Variants in C6orf62 observed in about 807,000 individuals in gnomAD.
C6orf62 encodes uncharacterized protein C6orf62.
Under a neutral mutation model 26.8 loss-of-function variants are expected in C6orf62, and 16 were observed. The observed-to-expected ratio is 0.60, with a 90% CI of 0.40 to 0.91. C6orf62 has a LOEUF of 0.91. Among genes scored for constraint, C6orf62 ranks in the 40% least tolerant of loss-of-function variants. C6orf62 has a pLI of 0.00. For synonymous variants in C6orf62, 112 were observed against 91.5 expected (o/e 1.22, Z -1.28); for missense variants, 192 against 271.4 (o/e 0.71, Z 2.06).
At chr6:24,710,940 CA>C (rs771425798) in intron 3 of C6orf62, among the ~76,000 whole-genome samples, 1 of 151,828 alleles carries the variant, frequency 6.6e-6, no homozygotes, top group Non-Finnish European at 1.5e-5. Context: ...TGCAGTGAGC[CA>C]TGACTATGCC....
chr6:24,717,919 A>C (rs1779266185), intron 1 of C6orf62, among the ~76,000 whole-genome samples: 1 of 152,234 alleles, frequency 6.6e-6, no homozygotes, highest in Non-Finnish European at 1.5e-5. Context: ...AATTCTGATT[A>C]AGACCTCCAC....
At chr6:24,719,263 C>A, upstream of C6orf62, 1 of 988,322 alleles carries the variant, frequency 1.0e-6, no homozygotes, top group Non-Finnish European at 1.2e-6. Flanking sequence ...CCAGCCAGCT[C>A]CATGGCTGTA....
rs1779193715 is a variant in C6orf62 at position 24,714,937 on chromosome 6, T to C, written c.307-497A>G. Among the ~76,000 whole-genome samples, 3 of 152,124 alleles carry C rather than the reference T, an allele frequency of 2.0e-5. No homozygotes were observed. In the South Asian group the frequency reaches 6.2e-4, roughly 32 times the overall value. On this transcript the variant is annotated intron_variant, in intron 2 of 4. Coordinates refer to ENST00000378119, the MANE Select transcript of C6orf62 (RefSeq NM_030939.5). ...CTGGCTCTAATTTTAATTTTTATCTTACAGAGAGTCACATACACTCAGTCC... is the reference window on the plus strand; with the variant it reads ...CTGGCTCTAATTTTAATTTTTATCTCACAGAGAGTCACATACACTCAGTCC...
chr6:24,709,960 G>A (rs1413615212), intron 3 of C6orf62: 4 of 985,248 alleles, frequency 4.1e-6, no homozygotes, highest in African/African-American at 1.7e-5. Flanking sequence ...CCAAGTTCCT[G>A]CTATGTAGCA....
upstream of C6orf62, chr6:24,719,566 G>T (rs1256195729): frequency 8.0e-7 from 1 of 1,242,846 alleles, no homozygotes; most frequent in Non-Finnish European, 1.0e-6. Flanking sequence ...ACGGCAGAAG[G>T]AAAAGGGGTA....
chr6:24,718,749 G>C lies in C6orf62; in HGVS notation c.-81C>G. On this transcript the variant is annotated 5_prime_UTR_variant, in exon 1 of 5. Transcript: ENST00000378119. The stretch of plus-strand genomic sequence containing the variant: ...TTTTTCTTAAGACTCAAGTACAACA[G>C]AAACAAGTCATTTTTTTTCCTGCTA... The C allele has an allele frequency of 6.3e-7, 1 of 1,580,834 alleles. No homozygotes were observed. The highest frequency in any genetic ancestry group is 1.2e-5 in the South Asian group (1 of 84,596).
rs771193564 is a variant in C6orf62 at position 24,718,688 on chromosome 6, T to A, written c.-20A>T. On this transcript the variant is annotated 5_prime_UTR_variant, in exon 1 of 5. Transcript: ENST00000378119. ...CCCCATTTTGAAATACAGGTGGTAC[T>A]AAAGCCTTTGGAAATTGTCACTAAA... 6.2e-7 allele frequency: 1 copy of A among 1,611,956 alleles called. No individual in the cohort carries two copies. Among genetic ancestry groups the A allele is most frequent in the South Asian group, 1.1e-5 (1 of 90,400 alleles).
rs764877063 is a variant in C6orf62 at position 24,718,711 on chromosome 6, A to T, written c.-43T>A. ...ACTAAAGCCTTTGGAAATTGTCACT[A>T]AACTATGGGCACTTTTTCTTAAGAC... On this transcript the variant is annotated 5_prime_UTR_variant, in exon 1 of 5. Transcript: ENST00000378119. The T allele has an allele frequency of 1.2e-6, 2 of 1,605,424 alleles. No individual in the cohort carries two copies. Among genetic ancestry groups the T allele is most frequent in the African/African-American group, 1.3e-5 (1 of 74,314 alleles).
intron 2 of C6orf62, among the ~76,000 whole-genome samples, chr6:24,715,552 AC>A (rs1779205082): frequency 6.6e-6 from 1 of 152,140 alleles, no homozygotes; most frequent in Non-Finnish European, 1.5e-5. Flanking sequence ...ATTATTAAAA[AC>A]AGTTGGCTAC....
At chr6:24,714,559 T>C in intron 2 of C6orf62, 119 bp from the exon 3 acceptor site, 1 of 610,076 alleles carries the variant, frequency 1.6e-6, no homozygotes, top group South Asian at 2.5e-5. Context: ...ATCTACCATA[T>C]ATCATTTTAT....
At chr6:24,714,570 A>C (rs1485180750) in intron 2 of C6orf62, 130 bp from the exon 3 acceptor site, 4 of 597,588 alleles carry the variant, frequency 6.7e-6, no homozygotes, top group Non-Finnish European at 1.1e-5. Flanking sequence ...ATCATTTTAT[A>C]TCTTAGGAAG....
chr6:24,714,443 A>G lies in C6orf62; in HGVS notation c.307-3T>C. ...TCCTGAGTACAGCCAATTACATCCTATAAAATGATTAAAAAAAAAAAAGTT... is the reference window on the plus strand; with the variant it reads ...TCCTGAGTACAGCCAATTACATCCTGTAAAATGATTAAAAAAAAAAAAGTT... On this transcript the variant is annotated splice_region_variant and splice_polypyrimidine_tract_variant and intron_variant, in intron 2 of 4. Transcript: ENST00000378119. 6.4e-7 allele frequency: 1 copy of G among 1,551,936 alleles called. No individual in the cohort carries two copies. The highest frequency in any genetic ancestry group is 8.7e-7 in the Non-Finnish European group (1 of 1,154,086).
chr6:24,715,848 C>CAAAAAAAAAAAAAAAAAAAAAAAAA (rs139717677), intron 2 of C6orf62, among the ~76,000 whole-genome samples: 1 of 63,850 alleles, frequency 1.6e-5, no homozygotes, highest in Non-Finnish European at 3.0e-5. Flanking sequence ...GACTTTGTCT[C>CAAAAAAAAAAAAAAAAAAAAAAAAA]AAAAAAAAAA....
chr6:24,705,096 T>C lies in C6orf62; in HGVS notation c.*1041A>G, dbSNP rs1211510448. 1 of 151,620 alleles carries C rather than the reference T, an allele frequency of 6.6e-6. No homozygotes were observed. Among genetic ancestry groups the C allele is most frequent in the African/African-American group, 2.4e-5 (1 of 41,278 alleles). 9.4% of individuals were successfully genotyped at this position (151,620 alleles called of 1,614,324 possible). A position where few individuals can be genotyped will look rare whatever the true frequency, so the allele number is the denominator to read the frequency against. On this transcript the variant is annotated 3_prime_UTR_variant, in exon 5 of 5. Transcript: ENST00000378119. ...GAGAAAAAAAAAAAAACCTATACAG[T>C]AGTCTTTCCTTATGTTCATTGCACA...
rs926915561 is a variant in C6orf62, at chr6:24,705,942, CACG to C, written c.*192_*194del. 6.3e-5 allele frequency: 45 copies of C among 710,172 alleles called. 2 individuals carry two copies. The Admixed American group carries it at 9.0e-4, about 14-fold the overall frequency. 44.0% of individuals were successfully genotyped at this position (710,172 alleles called of 1,614,324 possible). A position where few individuals can be genotyped will look rare whatever the true frequency, so the allele number is the denominator to read the frequency against. ...AGCATCTTCTTTCACACAGTCCGTGCACGACATCTAATTTTTGTTTAAGTTCTG... is the reference window on the plus strand; with the variant it reads ...AGCATCTTCTTTCACACAGTCCGTGCACATCTAATTTTTGTTTAAGTTCTG... On this transcript the variant is annotated 3_prime_UTR_variant, in exon 5 of 5. Coordinates refer to ENST00000378119, the MANE Select transcript of C6orf62 (RefSeq NM_030939.5).
Position 24,716,320 on chromosome 6 carries a change from T to C in C6orf62, c.134A>G (p.Lys45Arg). The C allele has an allele frequency of 6.2e-7, 1 of 1,612,962 alleles. No individual in the cohort carries two copies. The highest frequency in any genetic ancestry group is 1.1e-5 in the South Asian group (1 of 91,034). The change falls in exon 2 of 5, where the codon AAA (lysine) becomes AGA (arginine). Residue 45 changes from lysine (K) to arginine (R), a missense_variant. Transcript: ENST00000378119. ...AGACACTTCAAAAAGTGCTGACTTTTTCTTCTAGAAGAAAAGAAAATGGTG... is the reference window on the plus strand; with the variant it reads ...AGACACTTCAAAAAGTGCTGACTTTCTCTTCTAGAAGAAAAGAAAATGGTG... ...YIAFVFKEKK[K>R]KSALFEVSEV...
chr6:24,706,158 G>T lies in C6orf62; in HGVS notation c.669C>A (p.Leu223=). ...HWAVGTIEDH[L]RPYMPE is the part of the protein sequence containing the mutation. ...TACTCTACTCTGGCATATAAGGACGGAGGTGATCCTCTATGGTGCCAACTG... is the reference window on the plus strand; with the variant it reads ...TACTCTACTCTGGCATATAAGGACGTAGGTGATCCTCTATGGTGCCAACTG... The change falls in exon 5 of 5, where the codon CTC becomes CTA. Residue 223 remains leucine (L), a synonymous_variant. Transcript: ENST00000378119. The T allele has an allele frequency of 6.2e-7, 1 of 1,614,234 alleles. No homozygotes were observed. The highest frequency in any genetic ancestry group is 1.1e-5 in the South Asian group (1 of 91,090).
upstream of C6orf62, chr6:24,720,280 G>A (rs1391028493): frequency 2.5e-5 from 33 of 1,297,172 alleles, no homozygotes; most frequent in Non-Finnish European, 3.2e-5. Context: ...TGGCGGCGGC[G>A]GAAGAGGCGG....
At chr6:24,715,422 CAAT>C (rs1273713866) in intron 2 of C6orf62, among the ~76,000 whole-genome samples, 2 of 152,168 alleles carry the variant, frequency 1.3e-5, no homozygotes, top group African/African-American at 4.8e-5. Context: ...CATTTATCCA[CAAT>C]AATAATACAC....
Sources: gnomAD v4.1 joint callset for allele counts (sites outside exome capture counted in the v4.1 genomes callset) on GRCh38, gnomAD v4.1.1 for gene constraint, MANE v1.5 for transcripts, NCBI Gene and HGNC (gene_info 2026-07-23, HGNC 2026-07-21) for gene names.